HIVEP1: variants seen among roughly 807,000 people sequenced by gnomAD.
HIVEP1 encodes the protein zinc finger protein 40.
In HIVEP1, 36 loss-of-function variants were observed where a neutral mutation model predicts 180.0. That is an observed-to-expected ratio of 0.20 (90% CI 0.15 to 0.26). HIVEP1 has a LOEUF of 0.26. HIVEP1 is among the 10% of genes least tolerant of loss of function. The pLI, the probability that HIVEP1 is intolerant of heterozygous loss-of-function variation, is 1.00. For synonymous variants in HIVEP1, 1,239 were observed against 1,239.0 expected, an observed-to-expected ratio of 1.00 and a Z score of 0.00; for missense variants, 3,143 against 3,268.7, an observed-to-expected ratio of 0.96 and a Z score of 0.94.
At chr6:12,087,335 G>A (rs1233982357) in intron 2 of HIVEP1, among the ~76,000 whole-genome samples, 2 of 151,996 alleles carry the variant, frequency 1.3e-5, no homozygotes, top group Non-Finnish European at 2.9e-5. Flanking sequence ...ATGAGTTCTT[G>A]TTGCTTTAAG....
At position 12,130,880 on chromosome 6, in the gene HIVEP1, G is replaced by A; in HGVS notation, c.6323G>A (p.Arg2108Gln). The A allele has an allele frequency of 1.2e-6, 2 of 1,613,236 alleles. No homozygotes were observed. Among genetic ancestry groups the A allele is most frequent in the East Asian group, 4.5e-5 (2 of 44,848 alleles). ...CCTAGCATGTTAAAGAAACACATAC[G>A]AACCCATACAGATGTCCGCCCCTAC... ...KKPSMLKKHI[R>Q]THTDVRPYHC... is the part of the protein sequence containing the mutation. The change falls in exon 6 of 9, where the codon CGA (arginine) becomes CAA (glutamine). Residue 2108 changes from arginine (R) to glutamine (Q), a missense_variant. This residue lies in a region of HIVEP1 where 126 missense variants were observed against 168.5 expected (regional missense o/e 0.75). Transcript: ENST00000379388.
At chr6:12,141,043 G>A (rs1418732254) in intron 7 of HIVEP1, among the ~76,000 whole-genome samples, 1 of 152,152 alleles carries the variant, frequency 6.6e-6, no homozygotes, top group African/African-American at 2.4e-5. Flanking sequence ...TCCTTGAGAA[G>A]AGCAACCGCA....
intron 3 of HIVEP1, among the ~76,000 whole-genome samples, chr6:12,117,001 T>C (rs1332332471): frequency 6.6e-6 from 1 of 152,128 alleles, no homozygotes; most frequent in Non-Finnish European, 1.5e-5. Context: ...CCAAAACTAA[T>C]GAATAAATAT....
rs1482115335 is a variant in HIVEP1, at chr6:12,125,453, G to A, written c.5658G>A (p.Leu1886=). Residue 1886 remains leucine, a synonymous_variant, in exon 4 of 9, where the codon TTG becomes TTA. Transcript: ENST00000379388. ...CAGAAAATACTCATATTTCTCCTTT[G>A]AAATGTACAGACAATAACCAAGAAA... ...APSENTHISP[L]KCTDNNQERK... The A allele has an allele frequency of 4.3e-6, 7 of 1,613,930 alleles. No homozygotes were observed. The highest frequency in any genetic ancestry group is 4.2e-6 in the Non-Finnish European group (5 of 1,180,026).
In HIVEP1 at chr6:12,012,524, C is replaced by T. The variant is rs1412987944; in HGVS notation, c.-146C>T. 6.7e-6 allele frequency: 1 copy of T among 150,034 alleles called. No homozygotes were observed. Among genetic ancestry groups the T allele is most frequent in the Non-Finnish European group, 1.5e-5 (1 of 67,220 alleles). 9.3% of individuals were successfully genotyped at this position (150,034 alleles called of 1,614,324 possible). On this transcript the variant is annotated 5_prime_UTR_variant, in exon 1 of 9. Coordinates refer to ENST00000379388, the MANE Select transcript of HIVEP1 (RefSeq NM_002114.4). ...CGCCATCAGCAGCGCAGCTCCAGGG[C>T]CGGCTGCAGCGGCAGCGGCTCCGCC...
rs763696809 is a variant in HIVEP1, at chr6:12,124,435, C to G, written c.4640C>G (p.Ser1547Cys). 6.2e-7 allele frequency: 1 copy of G among 1,614,144 alleles called. No individual in the cohort carries two copies. The highest frequency in any genetic ancestry group is 1.1e-5 in the South Asian group (1 of 91,078). The change falls in exon 4 of 9, where the codon TCT becomes TGT. Residue 1547 changes from serine to cysteine, a missense_variant. This residue lies in a region of HIVEP1 where 1,357 missense variants were observed against 1,260.5 expected (regional missense o/e 1.08). Coordinates refer to ENST00000379388, the MANE Select transcript of HIVEP1 (RefSeq NM_002114.4). ...GSKPDKNSVL[S>C]GSSKSEDCFA... ...AAGCCAGATAAAAATTCTGTTTTATCTGGGTCTTCTAAAAGTGAGGATTGC... is the reference window on the plus strand; with the variant it reads ...AAGCCAGATAAAAATTCTGTTTTATGTGGGTCTTCTAAAAGTGAGGATTGC...
chr6:12,077,405 G>C (rs759008925), intron 2 of HIVEP1, among the ~76,000 whole-genome samples: 23 of 152,220 alleles, frequency 1.5e-4, no homozygotes, highest in Non-Finnish European at 2.9e-4. Context: ...CTCCAGGTGG[G>C]TGCTCTAGTG....
At chr6:12,084,212 C>G (rs9296258) in intron 2 of HIVEP1, among the ~76,000 whole-genome samples, 104,819 of 151,986 alleles carry the variant, frequency 0.69, 36,448 homozygotes, top group Middle Eastern at 0.82. Context: ...TGTTTTTCTA[C>G]GATTTTACTA....
At chr6:12,171,876 A>G in the HIVEP1 span, among the ~76,000 whole-genome samples, 1 of 152,216 alleles carries the variant, frequency 6.6e-6, no homozygotes, top group African/African-American at 2.4e-5. Flanking sequence ...ATTCACGCCA[A>G]TCCTCTAAGA....
At chr6:12,181,096 C>T in the HIVEP1 span, among the ~76,000 whole-genome samples, 91 of 152,294 alleles carry the variant, frequency 6.0e-4, no homozygotes, top group Middle Eastern at 0.01. Context: ...CACTGTGGCT[C>T]ACGCCTGTAA....
At chr6:12,108,002 T>C (rs1000145164) in intron 3 of HIVEP1, among the ~76,000 whole-genome samples, 1 of 152,158 alleles carries the variant, frequency 6.6e-6, no homozygotes, top group African/African-American at 2.4e-5. Flanking sequence ...ATACAGAGTG[T>C]CAATTGGTGC....
chr6:12,211,596 A>G, the HIVEP1 span, among the ~76,000 whole-genome samples: 1 of 151,746 alleles, frequency 6.6e-6, no homozygotes, highest in African/African-American at 2.4e-5. Context: ...GTGTGTCTAT[A>G]TATTTAGTAT....
At chr6:12,157,286 T>G (rs375553337) in intron 7 of HIVEP1, among the ~76,000 whole-genome samples, 11 of 152,340 alleles carry the variant, frequency 7.2e-5, no homozygotes, top group African/African-American at 2.6e-4. Flanking sequence ...GTCTTTTAAT[T>G]TATGTGTTAG....
the HIVEP1 span, among the ~76,000 whole-genome samples, chr6:12,191,093 G>C: frequency 6.6e-6 from 1 of 152,058 alleles, no homozygotes; most frequent in Non-Finnish European, 1.5e-5. Flanking sequence ...TATAATTTTG[G>C]CTGTTACTAA....
chr6:12,105,237 A>G (rs1774353914), intron 3 of HIVEP1, among the ~76,000 whole-genome samples: 1 of 152,212 alleles, frequency 6.6e-6, no homozygotes, highest in African/African-American at 2.4e-5. Flanking sequence ...CCTTATTCCT[A>G]GAATGAAGCC....
chr6:12,012,213 C>T (rs1251842717), upstream of HIVEP1: 2 of 144,544 alleles, frequency 1.4e-5, no homozygotes, highest in Non-Finnish European at 1.5e-5. Context: ...CCGCCTCCTC[C>T]GCCCGGCGGC....
intron 2 of HIVEP1, among the ~76,000 whole-genome samples, chr6:12,031,106 G>C (rs996655035): frequency 1.3e-5 from 2 of 152,142 alleles, no homozygotes; most frequent in African/African-American, 2.4e-5. Flanking sequence ...TTGTTTTAAA[G>C]CCAAAGGTAG....
intron 3 of HIVEP1, among the ~76,000 whole-genome samples, chr6:12,104,382 C>T (rs1265954769): frequency 7.1e-6 from 1 of 141,032 alleles, no homozygotes; most frequent in Non-Finnish European, 1.5e-5. Flanking sequence ...CTCTCTTTCT[C>T]TCTCTCTCTT....
chr6:12,120,689 T>C lies in HIVEP1; in HGVS notation c.894T>C (p.Asn298=). 1 of 1,614,180 alleles carries C rather than the reference T, an allele frequency of 6.2e-7. No homozygotes were observed. The highest frequency in any genetic ancestry group is 1.1e-5 in the South Asian group (1 of 91,086). Residue 298 remains asparagine (N), a synonymous_variant, in exon 4 of 9, where the codon AAT becomes AAC. Transcript: ENST00000379388. ...TTGTTCCCAAATCCAACCAACATAA[T>C]CAACAGCTTCCGGGGTGTTCAGGTT... The part of the protein sequence containing the change: ...EHFVPKSNQH[N]QQLPGCSGFT...
Sources: allele counts gnomAD v4.1 joint callset (sites outside exome capture counted in the v4.1 genomes callset), GRCh38; gene constraint gnomAD v4.1.1; regional missense constraint gnomAD v4.1.1; transcripts MANE v1.5; gene names NCBI Gene and HGNC (gene_info 2026-07-23, HGNC 2026-07-21).